SEMA3D: variants seen among roughly 807,000 people sequenced by gnomAD.
SEMA3D encodes the protein semaphorin 3D.
A neutral mutation model predicts 100.1 loss-of-function variants in SEMA3D; 84 were observed. That is an observed-to-expected ratio of 0.84 (90% CI 0.70 to 1.01). SEMA3D has a LOEUF of 1.01. SEMA3D is among the 50% of genes least tolerant of loss of function. SEMA3D has a pLI of 0.00. For missense variants in SEMA3D, 875 were observed against 934.1 expected (o/e 0.94, Z 0.82); for synonymous variants, 312 against 320.7 (o/e 0.97, Z 0.29).
At chr7:85,127,145 C>A (rs538190118) in intron 2 of SEMA3D, among the ~76,000 whole-genome samples, 1 of 152,224 alleles carries the variant, frequency 6.6e-6, no homozygotes, top group African/African-American at 2.4e-5. Context: ...TGCTAATCTA[C>A]TTCCAAACCT....
At chr7:85,112,139 C>T (rs892371179) in intron 3 of SEMA3D, among the ~76,000 whole-genome samples, 1 of 152,068 alleles carries the variant, frequency 6.6e-6, no homozygotes, top group Non-Finnish European at 1.5e-5. Flanking sequence ...TGTATCAAAA[C>T]AAATCAATAC....
At chr7:85,241,157 C>A in the SEMA3D span, among the ~76,000 whole-genome samples, 6 of 151,716 alleles carry the variant, frequency 4.0e-5, no homozygotes, top group South Asian at 4.2e-4. Context: ...ATAAAAAAAT[C>A]AAAAAATAAC....
chr7:85,146,080 T>C (rs559424567), intron 2 of SEMA3D, among the ~76,000 whole-genome samples: 3 of 152,230 alleles, frequency 2.0e-5, no homozygotes, highest in African/African-American at 7.2e-5. Flanking sequence ...AGCTCACGGA[T>C]ACAGAGGGCT....
intron 4 of SEMA3D, among the ~76,000 whole-genome samples, chr7:85,092,635 G>C (rs182073602): frequency 1.3e-5 from 2 of 151,948 alleles, no homozygotes; most frequent in Non-Finnish European, 2.9e-5. Flanking sequence ...TATGTTTTCT[G>C]TACATTAACT....
At chr7:85,047,222 A>G (rs1791032950) in intron 9 of SEMA3D, among the ~76,000 whole-genome samples, 2 of 151,970 alleles carry the variant, frequency 1.3e-5, no homozygotes, top group African/African-American at 4.8e-5. Flanking sequence ...TTTAAAATAT[A>G]GTACATCTGA....
chr7:85,214,445 T>C, the SEMA3D span, among the ~76,000 whole-genome samples: 1 of 152,158 alleles, frequency 6.6e-6, no homozygotes, highest in Non-Finnish European at 1.5e-5. Flanking sequence ...TATGTAATTT[T>C]AGCTGGAAGG....
the SEMA3D span, among the ~76,000 whole-genome samples, chr7:85,241,916 A>G: frequency 2.6e-5 from 4 of 152,068 alleles, no homozygotes; most frequent in Non-Finnish European, 5.9e-5. Flanking sequence ...AGGCAATAAC[A>G]AATGCCTGCC....
intron 12 of SEMA3D, among the ~76,000 whole-genome samples, chr7:85,026,784 C>T (rs1211812292): frequency 6.6e-6 from 1 of 151,950 alleles, no homozygotes; most frequent in African/African-American, 2.4e-5. Flanking sequence ...ACCATCAGCT[C>T]CTTAGGAAAA....
chr7:85,107,357 A>G (rs1020965324), intron 3 of SEMA3D, among the ~76,000 whole-genome samples: 1 of 152,108 alleles, frequency 6.6e-6, no homozygotes, highest in Non-Finnish European at 1.5e-5. Context: ...TTTGCATCAG[A>G]ACTTGCACAT....
the SEMA3D span, among the ~76,000 whole-genome samples, chr7:85,229,287 T>C: frequency 1.3e-5 from 2 of 152,022 alleles, no homozygotes; most frequent in African/African-American, 4.8e-5. Context: ...TCGCTCAGAG[T>C]ACTGCAAATG....
intron 8 of SEMA3D, among the ~76,000 whole-genome samples, chr7:85,064,119 G>T (rs1791549516): frequency 1.3e-5 from 2 of 152,134 alleles, no homozygotes; most frequent in Non-Finnish European, 2.9e-5. Flanking sequence ...TAATGAATAT[G>T]TTACAGTAAT....
At chr7:85,228,335 C>G in the SEMA3D span, among the ~76,000 whole-genome samples, 7 of 152,110 alleles carry the variant, frequency 4.6e-5, no homozygotes, top group African/African-American at 1.7e-4. Context: ...ATTTTCTACA[C>G]TATGCCAATT....
At chr7:85,234,646 C>T in the SEMA3D span, among the ~76,000 whole-genome samples, 1 of 152,128 alleles carries the variant, frequency 6.6e-6, no homozygotes, top group African/African-American at 2.4e-5. Flanking sequence ...AAACTTTTTA[C>T]TCTCAATCTT....
chr7:85,068,714 A>G (rs1467160592), intron 6 of SEMA3D, among the ~76,000 whole-genome samples: 1 of 152,156 alleles, frequency 6.6e-6, no homozygotes, highest in African/African-American at 2.4e-5. Flanking sequence ...TTATATAACT[A>G]AGCATCTTCA....
At position 85,081,556 on chromosome 7, in the gene SEMA3D, T is replaced by A. The variant is rs1241616910; in HGVS notation, c.336A>T (p.Glu112Asp). 15 of 1,612,096 alleles carry A rather than the reference T, an allele frequency of 9.3e-6. No individual in the cohort carries two copies. Among genetic ancestry groups the A allele is most frequent in the Non-Finnish European group, 1.3e-5 (15 of 1,178,476 alleles). The change falls in exon 5 of 19, where the codon GAA becomes GAT. Residue 112 changes from glutamate to aspartate, a missense_variant. Coordinates refer to ENST00000284136, the MANE Select transcript of SEMA3D (RefSeq NM_001384900.1). ...FKKIYWPAAK[E>D]RVELCKLAGK... ...CAGCTAATTTACATAATTCCACCCG[T>A]TCCTTTGCAGCAGGCCAATAAATCT...
chr7:85,032,313 T>C (rs1383328016), intron 12 of SEMA3D, among the ~76,000 whole-genome samples: 1 of 151,962 alleles, frequency 6.6e-6, no homozygotes, highest in Non-Finnish European at 1.5e-5. Flanking sequence ...GCTCCTAAAT[T>C]CAACATCAGT....
the SEMA3D span, among the ~76,000 whole-genome samples, chr7:85,236,281 TTTTATTTATTTATTTA>T: frequency 3.0e-4 from 39 of 132,004 alleles, no homozygotes; most frequent in South Asian, 3.8e-3. Flanking sequence ...TTTTATTTTA[TTTTATTTATTTATTTA>T]TTTATTTATT....
chr7:85,206,758 C>A, the SEMA3D span, among the ~76,000 whole-genome samples: 2 of 151,842 alleles, frequency 1.3e-5, no homozygotes, highest in Non-Finnish European at 2.9e-5. Context: ...TGACATGGGC[C>A]TGGAGAGGAG....
chr7:85,147,092 CTTTTTTT>C (rs752922884), intron 2 of SEMA3D, among the ~76,000 whole-genome samples: 1,806 of 48,110 alleles, frequency 0.038, 22 homozygotes, highest in South Asian at 0.11. Context: ...TTTTTCTTTT[CTTTTTTT>C]TTTTTTTTTT....
Sources: allele counts gnomAD v4.1 joint callset (sites outside exome capture counted in the v4.1 genomes callset), GRCh38; gene constraint gnomAD v4.1.1; transcripts MANE v1.5; gene names NCBI Gene and HGNC (gene_info 2026-07-23, HGNC 2026-07-21).